Variants in RAB6B observed in about 807,000 individuals in gnomAD.
The protein encoded by RAB6B is RAB6B, member RAS oncogene family, also known as ras-related protein Rab-6B.
RAB6B carries 7 observed loss-of-function variants against 31.2 expected under a neutral mutation model. The ratio of observed to expected loss-of-function variants is 0.22; its 90% confidence interval spans 0.13 to 0.42. RAB6B has a LOEUF of 0.42. Ranked by LOEUF, RAB6B falls within the 10% of genes least tolerant of loss-of-function variation. The pLI, the probability that RAB6B is intolerant of heterozygous loss-of-function variation, is 1.00. For missense variants in RAB6B, 149 were observed against 280.6 expected (o/e 0.53, Z 3.35); for synonymous variants, 105 against 104.9 (o/e 1.00, Z -0.01).
At chr3:133,869,194 CAG>C (rs1377668088) in intron 1 of RAB6B, among the ~76,000 whole-genome samples, 1 of 152,200 alleles carries the variant, frequency 6.6e-6, no homozygotes, top group Non-Finnish European at 1.5e-5. Flanking sequence ...TGAGAAGAAA[CAG>C]AAGGCAACAG....
chr3:133,862,130 GAA>G (rs5852768), intron 2 of RAB6B, among the ~76,000 whole-genome samples: 14 of 145,084 alleles, frequency 9.6e-5, no homozygotes, highest in African/African-American at 1.5e-4. Context: ...CTGCAATATT[GAA>G]AAAAAAAAAA....
At position 133,827,962 on chromosome 3, in the gene RAB6B, C is replaced by T. The variant is rs868685878; in HGVS notation, c.*826G>A. On this transcript the variant is annotated 3_prime_UTR_variant, in exon 8 of 8. Transcript: ENST00000285208. Reference sequence around the variant, plus strand: ...ACCCCAGTCTATAAACCACGCACCACGCAGCTGCAATTGCCAACAGCACCT... The same window carrying T: ...ACCCCAGTCTATAAACCACGCACCATGCAGCTGCAATTGCCAACAGCACCT... The T allele has an allele frequency of 1.6e-5, 11 of 702,986 alleles. No homozygotes were observed. The highest frequency in any genetic ancestry group is 2.7e-5 in the East Asian group (1 of 37,290). The allele number at this position is 702,986 out of a possible 1,614,324, so 43.5% of individuals were successfully genotyped here. A position where few individuals can be genotyped will look rare whatever the true frequency, so the allele number is the denominator to read the frequency against.
At chr3:133,847,662 C>G (rs1576397309) in intron 2 of RAB6B, among the ~76,000 whole-genome samples, 1 of 152,214 alleles carries the variant, frequency 6.6e-6, no homozygotes, top group African/African-American at 2.4e-5. Flanking sequence ...TTCCTCTATG[C>G]CCACCCATTT....
At chr3:133,857,426 GAAAAAAAAAAAA>G (rs71136497) in intron 2 of RAB6B, among the ~76,000 whole-genome samples, 1 of 119,826 alleles carries the variant, frequency 8.3e-6, no homozygotes. Context: ...TTTTTGAAGG[GAAAAAAAAAAAA>G]AAAAAAAAAA....
intron 1 of RAB6B, among the ~76,000 whole-genome samples, chr3:133,883,821 C>T (rs1525886): frequency 0.41 from 61,772 of 152,090 alleles, 13,631 homozygotes; most frequent in African/African-American, 0.59. Context: ...GGGACTTGTC[C>T]CTGGTGCACA....
At chr3:133,881,536 G>C (rs903390434) in intron 1 of RAB6B, among the ~76,000 whole-genome samples, 1 of 152,220 alleles carries the variant, frequency 6.6e-6, no homozygotes, top group Non-Finnish European at 1.5e-5. Flanking sequence ...AATGCCTGGA[G>C]GCCCAGCTTC....
chr3:133,864,163 TG>T (rs58518876), intron 2 of RAB6B, among the ~76,000 whole-genome samples: 5,570 of 81,778 alleles, frequency 0.068, 435 homozygotes, highest in African/African-American at 0.22. Flanking sequence ...TGTGCGTGTG[TG>T]GGGGGGGGCG....
At chr3:133,889,433 TATATATATA>T (rs1936604274) in intron 1 of RAB6B, among the ~76,000 whole-genome samples, 4 of 80,450 alleles carry the variant, frequency 5.0e-5, no homozygotes, top group Admixed American at 2.4e-4. Flanking sequence ...TATATATATA[TATATATATA>T]TATTTATTTT....
Position 133,895,787 on chromosome 3 carries a change from G to C in RAB6B, c.-321C>G. 1 of 348,778 alleles carries C rather than the reference G, an allele frequency of 2.9e-6. No individual in the cohort carries two copies. 21.6% of individuals were successfully genotyped at this position (348,778 alleles called of 1,614,324 possible). A position where few individuals can be genotyped will look rare whatever the true frequency, so the allele number is the denominator to read the frequency against. On this transcript the variant is annotated 5_prime_UTR_variant, in exon 1 of 8. Transcript: ENST00000285208. The stretch of plus-strand genomic sequence containing the variant: ...TGGGAGAGAGGCGCGGGCGGAGCGG[G>C]GCGCAGGGACGGCGCGCGGGGCGGA...
intron 2 of RAB6B, among the ~76,000 whole-genome samples, chr3:133,842,275 G>T (rs1031616303): frequency 6.6e-6 from 1 of 152,236 alleles, no homozygotes; most frequent in Admixed American, 6.5e-5. Context: ...CAGCTCCCCT[G>T]TGCCACACCT....
chr3:133,889,145 T>G (rs1245219984), intron 1 of RAB6B, among the ~76,000 whole-genome samples: 2 of 151,928 alleles, frequency 1.3e-5, no homozygotes, highest in East Asian at 3.9e-4. Context: ...TTTCCCAAAG[T>G]TAACCACACT....
chr3:133,854,595 C>T (rs1017089371), intron 2 of RAB6B, among the ~76,000 whole-genome samples: 1 of 152,238 alleles, frequency 6.6e-6, no homozygotes, highest in African/African-American at 2.4e-5. Flanking sequence ...TTTGTGCTTA[C>T]AAACAGCACT....
chr3:133,895,655 AG>A lies in RAB6B; in HGVS notation c.-190del. 1.6e-6 allele frequency: 1 copy of A among 609,308 alleles called. No individual in the cohort carries two copies. The highest frequency in any genetic ancestry group is 2.0e-5 in the South Asian group (1 of 50,020). 37.7% of individuals were successfully genotyped at this position (609,308 alleles called of 1,614,324 possible). On this transcript the variant is annotated 5_prime_UTR_variant, in exon 1 of 8. Transcript: ENST00000285208. ...GCGGCTGCGTGTCCGGCGGCGGAGG[AG>A]GAGGAGGAGAGAGAGGCGGAGGCGG...
At chr3:133,888,672 AT>A (rs1235388035) in intron 1 of RAB6B, among the ~76,000 whole-genome samples, 3 of 152,234 alleles carry the variant, frequency 2.0e-5, no homozygotes, top group Non-Finnish European at 4.4e-5. Context: ...ATCAGTCAAT[AT>A]TTTTTAAAAA....
chr3:133,828,224 G>A lies in RAB6B; in HGVS notation c.*564C>T, dbSNP rs1342036833. 1 of 546,808 alleles carries A rather than the reference G, an allele frequency of 1.8e-6. No homozygotes were observed. The highest frequency in any genetic ancestry group is 3.3e-6 in the Non-Finnish European group (1 of 306,236). The allele number at this position is 546,808 out of a possible 1,614,324, so 33.9% of individuals were successfully genotyped here. A position where few individuals can be genotyped will look rare whatever the true frequency, so the allele number is the denominator to read the frequency against. The stretch of plus-strand genomic sequence containing the variant: ...CAAGAGTCAGAGCTACCTTTTCAGA[G>A]GCTGATGTGTTCAACCAATGTTTGA... On this transcript the variant is annotated 3_prime_UTR_variant, in exon 8 of 8. Coordinates refer to ENST00000285208, the MANE Select transcript of RAB6B (RefSeq NM_016577.4).
chr3:133,839,461 A>G, intron 5 of RAB6B, 45 bp downstream of exon 5: 1 of 1,486,216 alleles, frequency 6.7e-7, no homozygotes, highest in Non-Finnish European at 9.4e-7. Context: ...GCAGTTACAG[A>G]GGAGTGGAGG....
At chr3:133,835,306 C>T (rs376319367) in intron 6 of RAB6B, among the ~76,000 whole-genome samples, 6 of 151,636 alleles carry the variant, frequency 4.0e-5, no homozygotes, top group Admixed American at 1.3e-4. Flanking sequence ...GTGAGTGGTG[C>T]GTGTGGGTAG....
intron 1 of RAB6B, among the ~76,000 whole-genome samples, chr3:133,875,272 G>A (rs893342079): frequency 2.6e-4 from 14 of 54,780 alleles, no homozygotes; most frequent in African/African-American, 2.0e-3. Context: ...ACAGTTACAC[G>A]TGTGTGTGTG....
chr3:133,894,461 TC>T (rs1452985805), intron 1 of RAB6B: 12 of 152,330 alleles, frequency 7.9e-5, no homozygotes, highest in Admixed American at 2.6e-4. Flanking sequence ...CTCCCCCAGC[TC>T]TGGCCGACTG....
Sources: gnomAD v4.1 joint callset for allele counts (sites outside exome capture counted in the v4.1 genomes callset) on GRCh38, gnomAD v4.1.1 for gene constraint, MANE v1.5 for transcripts, NCBI Gene and HGNC (gene_info 2026-07-23, HGNC 2026-07-21) for gene names.